CDC73: variants seen among roughly 807,000 people sequenced by gnomAD.
CDC73 encodes cell division cycle 73.
In CDC73, 21 loss-of-function variants were observed where a neutral mutation model predicts 83.7. That is an observed-to-expected ratio of 0.25 (90% CI 0.18 to 0.36). The LOEUF is 0.36. Ranked by LOEUF, CDC73 falls within the 10% of genes least tolerant of loss-of-function variation. The pLI is 1.00. For missense variants in CDC73, 342 were observed against 653.3 expected (o/e 0.52, Z 5.19); for synonymous variants, 224 against 212.9 (o/e 1.05, Z -0.45).
chr1:193,191,818 A>G (rs1192176718), intron 10 of CDC73, among the ~76,000 whole-genome samples: 1 of 152,160 alleles, frequency 6.6e-6, no homozygotes, highest in Non-Finnish European at 1.5e-5. Context: ...AGTATTTCTT[A>G]TATAAATACT....
chr1:193,246,373 C>A (rs1301634421), intron 15 of CDC73, among the ~76,000 whole-genome samples: 1 of 151,800 alleles, frequency 6.6e-6, no homozygotes, highest in African/African-American at 2.4e-5. Context: ...ACTGTCTTTT[C>A]CCCAGTGGAA....
At chr1:193,213,981 C>T (rs183425922) in intron 13 of CDC73, among the ~76,000 whole-genome samples, 35 of 152,316 alleles carry the variant, frequency 2.3e-4, no homozygotes, top group Non-Finnish European at 4.3e-4. Context: ...TTCCCCTGCT[C>T]CAGAGGTAGA....
At chr1:193,195,291 G>T (rs572530666) in intron 10 of CDC73, among the ~76,000 whole-genome samples, 1 of 151,910 alleles carries the variant, frequency 6.6e-6, no homozygotes, top group Non-Finnish European at 1.5e-5. Flanking sequence ...TTCGTTTAGC[G>T]TAATGTTTTC....
intron 10 of CDC73, among the ~76,000 whole-genome samples, chr1:193,197,927 C>CAAAAAAAA (rs61392426): frequency 1.4e-5 from 1 of 73,232 alleles, no homozygotes; most frequent in African/African-American, 4.6e-5. Context: ...ACCATCTCAC[C>CAAAAAAAA]AAAAAAAAAA....
In CDC73 at chr1:193,252,370, C is replaced by T. The variant is rs1257272521; in HGVS notation, c.*1658C>T. 4.4e-6 allele frequency: 1 copy of T among 229,584 alleles called. No individual in the cohort carries two copies. Among genetic ancestry groups the T allele is most frequent in the Non-Finnish European group, 8.6e-6 (1 of 115,848 alleles). 14.2% of individuals were successfully genotyped at this position (229,584 alleles called of 1,614,324 possible). Reference sequence around the variant, plus strand: ...TAAACTTTCTCCATGATGAAATAGTCAAGGACCAGAATCTGTAATATTTTT... The same window carrying T: ...TAAACTTTCTCCATGATGAAATAGTTAAGGACCAGAATCTGTAATATTTTT... On this transcript the variant is annotated 3_prime_UTR_variant, in exon 17 of 17. Transcript: ENST00000367435.
At chr1:193,234,251 T>TATATAATTTAATTATA (rs1677715298) in intron 14 of CDC73, among the ~76,000 whole-genome samples, 2 of 117,684 alleles carry the variant, frequency 1.7e-5, no homozygotes, top group African/African-American at 6.4e-5. Context: ...TATATTTATT[T>TATATAATTTAATTATA]ATATATATAA....
chr1:193,208,074 A>C (rs1458556222), intron 11 of CDC73, among the ~76,000 whole-genome samples: 1 of 152,186 alleles, frequency 6.6e-6, no homozygotes, highest in Non-Finnish European at 1.5e-5. Flanking sequence ...CTTACTCTAT[A>C]GTCTTCTGCT....
At chr1:193,142,118 T>G in intron 7 of CDC73, 52 bp downstream of exon 7, 13 of 1,239,582 alleles carry the variant, frequency 1.0e-5, no homozygotes, top group Non-Finnish European at 1.4e-5. Flanking sequence ...AGAGAGAGAG[T>G]GCGTTTAATC....
chr1:193,135,527 TC>T lies in CDC73; in HGVS notation c.371-9del. ...AACTACACATTTATTTACTTCTCTT[TC>T]TTTTATAGTCAAACGAGCTGCAGAT... On this transcript the variant is annotated splice_polypyrimidine_tract_variant and intron_variant, in intron 4 of 16. Transcript: ENST00000367435. 1.2e-6 allele frequency: 2 copies of T among 1,613,458 alleles called. No individual in the cohort carries two copies. The highest frequency in any genetic ancestry group is 2.2e-5 in the South Asian group (2 of 91,062).
rs182255311 is a variant in CDC73 at position 193,142,994 on chromosome 1, T to G, written c.729+928T>G. Among the ~76,000 whole-genome samples, 4 of 152,344 alleles carry G rather than the reference T, an allele frequency of 2.6e-5. No homozygotes were observed. In the East Asian group the frequency reaches 7.7e-4, roughly 29 times the overall value. On this transcript the variant is annotated intron_variant, in intron 7 of 16. Coordinates refer to ENST00000367435, the MANE Select transcript of CDC73 (RefSeq NM_024529.5). ...GTTAATAATGATGATCTAGTAAGAATGTTGAAGTGTGCAAAGTTACTTGTG... is the reference window on the plus strand; with the variant it reads ...GTTAATAATGATGATCTAGTAAGAAGGTTGAAGTGTGCAAAGTTACTTGTG...
At chr1:193,124,895 A>T (rs1028733796) in intron 1 of CDC73, among the ~76,000 whole-genome samples, 54 of 152,108 alleles carry the variant, frequency 3.6e-4, no homozygotes, top group African/African-American at 1.2e-3. Context: ...TAGAGTATGA[A>T]TTTTTTGTAT....
At position 193,122,039 on chromosome 1, in the gene CDC73, C is replaced by T. The variant is rs905933664; in HGVS notation, c.-162C>T. ...CCTCGGCGGCCTGGGTGGCTACTGC[C>T]CCTGCTGCTGTCGTAGGCGAGGACG... On this transcript the variant is annotated 5_prime_UTR_variant, in exon 1 of 17. Transcript: ENST00000367435. 4.2e-5 allele frequency: 28 copies of T among 672,754 alleles called. No homozygotes were observed. Among genetic ancestry groups the T allele is most frequent in the Admixed American group, 4.7e-5 (2 of 42,278 alleles). 41.7% of individuals were successfully genotyped at this position (672,754 alleles called of 1,614,324 possible).
At chr1:193,204,215 A>ACATATATATACACG (rs143608466) in intron 11 of CDC73, among the ~76,000 whole-genome samples, 3 of 143,678 alleles carry the variant, frequency 2.1e-5, no homozygotes, top group Non-Finnish European at 4.5e-5. Flanking sequence ...GTGTATATAT[A>ACATATATATACACG]TGTATATATA....
intron 10 of CDC73, among the ~76,000 whole-genome samples, chr1:193,157,909 A>G (rs908962315): frequency 2.6e-5 from 4 of 151,788 alleles, no homozygotes; most frequent in Non-Finnish European, 5.9e-5. Context: ...TAATATATAT[A>G]ATAGAACTTA....
chr1:193,178,098 T>C (rs1258343459), intron 10 of CDC73, among the ~76,000 whole-genome samples: 1 of 152,180 alleles, frequency 6.6e-6, no homozygotes, highest in Non-Finnish European at 1.5e-5. Context: ...TTATATACAC[T>C]ATCAGCTTAT....
chr1:193,248,124 A>C (rs1291697369), intron 15 of CDC73, among the ~76,000 whole-genome samples: 10 of 152,098 alleles, frequency 6.6e-5, no homozygotes, highest in Non-Finnish European at 1.5e-4. Context: ...CTCTTTTGTT[A>C]GGGGCTAATA....
At chr1:193,122,468 C>G (rs757595129) in intron 1 of CDC73, 137 bp downstream of exon 1, 1 of 1,162,926 alleles carries the variant, frequency 8.6e-7, no homozygotes, top group Non-Finnish European at 1.3e-6. Context: ...AAGTTTCTCT[C>G]TAGAGCAGAA....
At chr1:193,154,004 A>ATT (rs1676164548) in intron 10 of CDC73, among the ~76,000 whole-genome samples, 1 of 152,222 alleles carries the variant, frequency 6.6e-6, no homozygotes, top group Non-Finnish European at 1.5e-5. Context: ...GTCATCAGGG[A>ATT]TTAGATACTC....
At chr1:193,227,576 A>G (rs1677586460) in intron 13 of CDC73, among the ~76,000 whole-genome samples, 1 of 152,182 alleles carries the variant, frequency 6.6e-6, no homozygotes, top group African/African-American at 2.4e-5. Flanking sequence ...AGCCCACTGT[A>G]AAATTGTAGA....
Sources: allele counts gnomAD v4.1 joint callset (sites outside exome capture counted in the v4.1 genomes callset), GRCh38; gene constraint gnomAD v4.1.1; transcripts MANE v1.5; gene names NCBI Gene and HGNC (gene_info 2026-07-23, HGNC 2026-07-21).